The following ANKMY1 variants were observed in gnomAD, a reference collection of about 807,000 sequenced individuals.
The protein encoded by ANKMY1 is ankyrin repeat and MYND domain-containing protein 1.
ANKMY1 carries 98 observed loss-of-function variants against 102.0 expected under a neutral mutation model. That is an observed-to-expected ratio of 0.96 (90% CI 0.82 to 1.14). ANKMY1 has a LOEUF of 1.14. ANKMY1 is among the 50% of genes most tolerant of loss of function. The pLI, the probability that ANKMY1 is intolerant of heterozygous loss-of-function variation, is 0.00. For missense variants in ANKMY1, 1,330 were observed against 1,347.6 expected (o/e 0.99, Z 0.20); for synonymous variants, 582 against 559.9 (o/e 1.04, Z -0.56).
chr2:240,498,369 G>A (rs939699092), intron 15 of ANKMY1, among the ~76,000 whole-genome samples: 7 of 151,758 alleles, frequency 4.6e-5, no homozygotes, highest in Non-Finnish European at 8.8e-5. Context: ...TGGGGTGTCC[G>A]TATGTGTGTG....
downstream of ANKMY1, among the ~76,000 whole-genome samples, chr2:240,479,047 C>G (rs1004248995): frequency 6.6e-6 from 1 of 152,212 alleles, no homozygotes; most frequent in East Asian, 1.9e-4. Flanking sequence ...TCCTCTCATT[C>G]CCAGTGATTT....
Position 240,557,950 on chromosome 2 carries a change from C to A in ANKMY1, c.-87G>T, listed in dbSNP as rs2092585653. The stretch of plus-strand genomic sequence containing the variant: ...CGGGACTGCAGCCACCGCGGACGCC[C>A]GCGCTCCCGTCCCGACTGCTTGCCA... On this transcript the variant is annotated 5_prime_UTR_variant, in exon 1 of 18. Coordinates refer to ENST00000401804, the MANE Select transcript of ANKMY1 (RefSeq NM_001282771.3). 1.0e-6 allele frequency: 1 copy of A among 985,650 alleles called. No homozygotes were observed. Among genetic ancestry groups the A allele is most frequent in the Non-Finnish European group, 1.2e-6 (1 of 830,084 alleles). 61.1% of individuals were successfully genotyped at this position (985,650 alleles called of 1,614,324 possible).
At chr2:240,492,729 C>T (rs151282198) in intron 15 of ANKMY1, among the ~76,000 whole-genome samples, 175 of 152,248 alleles carry the variant, frequency 1.1e-3, no homozygotes, top group African/African-American at 4.1e-3. Flanking sequence ...CTCACTGTGT[C>T]GCCCAGACTG....
In ANKMY1 at chr2:240,526,279, T is replaced by C. The variant is rs748875546; in HGVS notation, c.1120A>G (p.Ser374Gly). 6.8e-6 allele frequency: 11 copies of C among 1,614,068 alleles called. No individual in the cohort carries two copies. In the African/African-American group the frequency reaches 1.3e-4, roughly 20 times the overall value. Residue 374 changes from serine to glycine, a missense_variant, in exon 6 of 18, where the codon AGT becomes GGT. Transcript: ENST00000401804. ...ICRILKDNFASADVADAKGYT... is the reference protein window; with the variant it reads ...ICRILKDNFAGADVADAKGYT... ...CCCTTTGCGTCCGCCACGTCAGCACTAGCAAAGTTGTCCTTCAGGATCCTA... is the reference window on the plus strand; with the variant it reads ...CCCTTTGCGTCCGCCACGTCAGCACCAGCAAAGTTGTCCTTCAGGATCCTA...
intron 8 of ANKMY1, chr2:240,522,488 T>C (rs2082501850): frequency 6.6e-6 from 1 of 152,270 alleles, no homozygotes; most frequent in Non-Finnish European, 1.5e-5. Flanking sequence ...GGTACGCGGC[T>C]GGACGAAGGA....
intron 7 of ANKMY1, among the ~76,000 whole-genome samples, 172 bp downstream of exon 7, chr2:240,525,513 C>T (rs1353235416): frequency 6.6e-6 from 1 of 152,208 alleles, no homozygotes; most frequent in African/African-American, 2.4e-5. Context: ...GGCATCTGCT[C>T]AGGGTCCCTT....
intron 4 of ANKMY1, among the ~76,000 whole-genome samples, chr2:240,537,318 G>T (rs2087046811): frequency 6.6e-6 from 1 of 152,074 alleles, no homozygotes; most frequent in African/African-American, 2.4e-5. Context: ...CTCGCCTATT[G>T]TCTTCATGTT....
At position 240,520,278 on chromosome 2, in the gene ANKMY1, C is replaced by T. The variant is rs2081942859; in HGVS notation, c.2004+84G>A. On this transcript the variant is annotated intron_variant, in intron 9 of 17. Transcript: ENST00000401804. The surrounding 1 kb of genome is among the most constrained non-coding windows in gnomAD (Gnocchi z 4.8). The stretch of plus-strand genomic sequence containing the variant: ...TGCAAGAGCCCACCCCTCTCTTCCG[C>T]GCCTAGGTGGAGCGAGGAGCTTCCC... 2.0e-6 allele frequency: 3 copies of T among 1,489,416 alleles called. No individual in the cohort carries two copies. The highest frequency in any genetic ancestry group is 1.3e-5 in the South Asian group (1 of 76,710). The allele number at this position is 1,489,416 out of a possible 1,614,324, so 92.3% of individuals were successfully genotyped here. A position where few individuals can be genotyped will look rare whatever the true frequency, so the allele number is the denominator to read the frequency against.
chr2:240,555,971 C>T (rs777080547), intron 2 of ANKMY1, among the ~76,000 whole-genome samples: 2 of 152,208 alleles, frequency 1.3e-5, no homozygotes, highest in East Asian at 1.9e-4. Flanking sequence ...CTGTGCAGGG[C>T]GGCCGTCCCT....
At chr2:240,521,510 T>A (rs921902262) in intron 8 of ANKMY1, among the ~76,000 whole-genome samples, 8 of 141,958 alleles carry the variant, frequency 5.6e-5, no homozygotes, top group Non-Finnish European at 1.2e-4. Context: ...TTTTTTTTTT[T>A]TTTTTTTTTG....
At chr2:240,524,478 G>T in intron 7 of ANKMY1, 97 bp from the exon 8 acceptor site, 1 of 1,384,144 alleles carries the variant, frequency 7.2e-7, no homozygotes, top group Non-Finnish European at 9.7e-7. Flanking sequence ...GTGGCCTAGA[G>T]CTGTCTTCAA....
At chr2:240,474,299 G>T in the ANKMY1 span, among the ~76,000 whole-genome samples, 10 of 141,358 alleles carry the variant, frequency 7.1e-5, no homozygotes, top group African/African-American at 1.1e-4. Context: ...TAGTAGAGAC[G>T]GGTTTCACTG....
chr2:240,532,598 T>A (rs1020406696), intron 4 of ANKMY1, among the ~76,000 whole-genome samples: 1 of 152,194 alleles, frequency 6.6e-6, no homozygotes, highest in African/African-American at 2.4e-5. Context: ...TCAGAGAGAC[T>A]AGATAGATAG....
chr2:240,554,695 G>A, intron 3 of ANKMY1, 171 bp downstream of exon 3: 1 of 731,086 alleles, frequency 1.4e-6, no homozygotes, highest in Non-Finnish European at 2.2e-6. Context: ...TGTGATTTTG[G>A]AAGTTGGGAA....
At chr2:240,538,238 C>A (rs527888591) in intron 4 of ANKMY1, among the ~76,000 whole-genome samples, 3 of 152,116 alleles carry the variant, frequency 2.0e-5, no homozygotes, top group Non-Finnish European at 4.4e-5. Flanking sequence ...TGGGGCTGGC[C>A]GAGGCCGGAG....
rs576550804 is a variant in ANKMY1 at position 240,518,983 on chromosome 2, G to C, written c.2004+1379C>G. On this transcript the variant is annotated intron_variant, in intron 9 of 17. Coordinates refer to ENST00000401804, the MANE Select transcript of ANKMY1 (RefSeq NM_001282771.3). ...TGACAACTGGCAAGGCTGGTGCCCAGAGAGAGCCATCAGCTCTCACCCCAT... is the reference window on the plus strand; with the variant it reads ...TGACAACTGGCAAGGCTGGTGCCCACAGAGAGCCATCAGCTCTCACCCCAT... Among the ~76,000 whole-genome samples, 8 of 152,344 alleles carry C rather than the reference G, an allele frequency of 5.3e-5. No individual in the cohort carries two copies. In the South Asian group the frequency reaches 1.7e-3, roughly 32 times the overall value.
In ANKMY1 at chr2:240,479,576, T is replaced by C. The variant is rs1164744236; in HGVS notation, c.*33A>G. ...GGTAAGAAACCCACACAGTCCTGGG[T>C]CCTCCCCAAGCCTCGGACGTGCAGC... On this transcript the variant is annotated 3_prime_UTR_variant, in exon 18 of 18. Transcript: ENST00000401804. 6.2e-7 allele frequency: 1 copy of C among 1,612,706 alleles called. No individual in the cohort carries two copies. Among genetic ancestry groups the C allele is most frequent in the East Asian group, 2.2e-5 (1 of 44,876 alleles).
rs116710808 is a variant in ANKMY1, at chr2:240,523,493, C to T, written c.1832+392G>A. 516 of 263,350 alleles carry T rather than the reference C, an allele frequency of 2.0e-3. 2 individuals carry two copies. Among genetic ancestry groups the T allele is most frequent in the African/African-American group, 0.011 (498 of 45,888 alleles). The allele number at this position is 263,350 out of a possible 1,614,324, so 16.3% of individuals were successfully genotyped here. ...GACACACTGGTATAGACAGGGTGGA[C>T]AGCAGGGGTGTGAGAGCTGCCCAGG... On this transcript the variant is annotated intron_variant, in intron 8 of 17. Coordinates refer to ENST00000401804, the MANE Select transcript of ANKMY1 (RefSeq NM_001282771.3).
At chr2:240,558,916 T>G (rs992444132), upstream of ANKMY1, among the ~76,000 whole-genome samples, 1 of 152,196 alleles carries the variant, frequency 6.6e-6, no homozygotes, top group Non-Finnish European at 1.5e-5. Flanking sequence ...ACTACATGCA[T>G]GCACTCTAAT....
Sources: gnomAD v4.1 joint callset for allele counts (sites outside exome capture counted in the v4.1 genomes callset) on GRCh38, gnomAD v4.1.1 for gene constraint, Gnocchi (gnomAD v3.1) non-coding constraint, MANE v1.5 for transcripts, NCBI Gene and HGNC (gene_info 2026-07-23, HGNC 2026-07-21) for gene names.